PLEKHM3: variants seen among roughly 807,000 people sequenced by gnomAD.
PLEKHM3 encodes pleckstrin homology domain-containing family M member 3.
A neutral mutation model predicts 81.8 loss-of-function variants in PLEKHM3; 45 were observed. The ratio of observed to expected loss-of-function variants is 0.55; its 90% CI spans 0.43 to 0.71. PLEKHM3 has a LOEUF of 0.71. Ranked by LOEUF, PLEKHM3 falls within the 30% of genes least tolerant of loss-of-function variation. The pLI, the probability that PLEKHM3 is intolerant of heterozygous loss-of-function variation, is 0.00. For synonymous variants in PLEKHM3, 352 were observed against 356.4 expected, an observed-to-expected ratio of 0.99 and a Z score of 0.14; for missense variants, 788 against 924.3, an observed-to-expected ratio of 0.85 and a Z score of 1.91.
chr2:207,898,833 C>T (rs938006597), intron 6 of PLEKHM3, among the ~76,000 whole-genome samples: 3 of 152,104 alleles, frequency 2.0e-5, no homozygotes, highest in African/African-American at 4.8e-5. Context: ...GAGGTCAAAG[C>T]TGCAGCCAGC....
chr2:208,012,452 A>G (rs1045411000), intron 1 of PLEKHM3, among the ~76,000 whole-genome samples: 2 of 152,234 alleles, frequency 1.3e-5, no homozygotes, highest in African/African-American at 2.4e-5. Context: ...TCCTTGTCTA[A>G]TTACTGAGTA....
rs2092232692 is a variant in PLEKHM3 at position 207,823,676 on chromosome 2, T to C, written c.*4643A>G. On this transcript the variant is annotated 3_prime_UTR_variant, in exon 8 of 8. Transcript: ENST00000427836. Reference sequence around the variant, plus strand: ...CTGGTCTCAAACTCCTGACCTCAAGTGATCTGCCTGCCTTGGCCTCCCAAA... The same window carrying C: ...CTGGTCTCAAACTCCTGACCTCAAGCGATCTGCCTGCCTTGGCCTCCCAAA... 6.6e-6 allele frequency: 1 copy of C among 152,228 alleles called. No homozygotes were observed. 9.4% of individuals were successfully genotyped at this position (152,228 alleles called of 1,614,324 possible). A position where few individuals can be genotyped will look rare whatever the true frequency, so the allele number is the denominator to read the frequency against.
At chr2:207,988,708 C>A (rs778572738) in intron 2 of PLEKHM3, among the ~76,000 whole-genome samples, 19 of 152,200 alleles carry the variant, frequency 1.2e-4, no homozygotes, top group Non-Finnish European at 5.9e-5. Context: ...TGACCTACCC[C>A]CTTATGGCTG....
Position 207,884,097 on chromosome 2 carries a change from G to A in PLEKHM3, c.1951-22835C>T, listed in dbSNP as rs577552989. On this transcript the variant is annotated intron_variant, in intron 6 of 7. Coordinates refer to ENST00000427836, the MANE Select transcript of PLEKHM3 (RefSeq NM_001080475.3). ...GAGGACTGCTTGAGCTCAGGAGTTC[G>A]AGACCACTCTGGGCAACATAGCGAG... Among the ~76,000 whole-genome samples, 13 of 152,140 alleles carry A rather than the reference G, an allele frequency of 8.5e-5. No individual in the cohort carries two copies. In the South Asian group the frequency reaches 1.0e-3, roughly 12 times the overall value.
At chr2:207,882,493 T>G (rs1687727752) in intron 6 of PLEKHM3, among the ~76,000 whole-genome samples, 1 of 151,668 alleles carries the variant, frequency 6.6e-6, no homozygotes, top group Admixed American at 6.6e-5. Context: ...GTGCCTGTAA[T>G]CGCAGTTACC....
intron 7 of PLEKHM3, among the ~76,000 whole-genome samples, chr2:207,847,296 A>T (rs537102839): frequency 5.2e-5 from 8 of 152,382 alleles, no homozygotes; most frequent in African/African-American, 1.9e-4. Flanking sequence ...ACATTTTGAC[A>T]TGTGAATACA....
intron 1 of PLEKHM3, chr2:208,019,629 T>C (rs1693056001): frequency 6.6e-6 from 1 of 152,262 alleles, no homozygotes; most frequent in Non-Finnish European, 1.5e-5. Context: ...ACCATATACA[T>C]CTTAACATTA....
At chr2:207,859,330 G>T (rs1407310677) in intron 7 of PLEKHM3, among the ~76,000 whole-genome samples, 2 of 151,652 alleles carry the variant, frequency 1.3e-5, no homozygotes, top group African/African-American at 2.4e-5. Flanking sequence ...TAGAGACGGG[G>T]TTTCTCCATG....
rs143903695 is a variant in PLEKHM3, at chr2:207,940,932, T to C, written c.1692+5435A>G. ...AAAATAGGATAGGTACAAATATAGA[T>C]AGATTTGTAGATATTCATATTCATA... On this transcript the variant is annotated intron_variant, in intron 4 of 7. Coordinates refer to ENST00000427836, the MANE Select transcript of PLEKHM3 (RefSeq NM_001080475.3). 5.3e-5 allele frequency among the ~76,000 whole-genome samples: 8 copies of C among 152,302 alleles called. No individual in the cohort carries two copies. In the East Asian group the frequency reaches 1.5e-3, roughly 29 times the overall value.
At chr2:208,020,046 T>C (rs1407540273) in intron 1 of PLEKHM3, among the ~76,000 whole-genome samples, 1 of 152,264 alleles carries the variant, frequency 6.6e-6, no homozygotes, top group Non-Finnish European at 1.5e-5. Flanking sequence ...GTTTCTAACC[T>C]GCAACACATG....
At chr2:207,960,593 ACC>A (rs1690694355) in intron 3 of PLEKHM3, among the ~76,000 whole-genome samples, 1 of 152,230 alleles carries the variant, frequency 6.6e-6, no homozygotes, top group African/African-American at 2.4e-5. Flanking sequence ...TCATTTATTA[ACC>A]CTGTAAAACT....
Position 207,825,133 on chromosome 2 carries a change from C to T in PLEKHM3, c.*3186G>A, listed in dbSNP as rs2092241339. On this transcript the variant is annotated 3_prime_UTR_variant, in exon 8 of 8. Transcript: ENST00000427836. ...AAAGCGGGCCTGGAAAGAACACTAC[C>T]CCCATTCCAGTTGACGGCTTTTTAA... 6.6e-6 allele frequency: 1 copy of T among 152,096 alleles called. No individual in the cohort carries two copies. The highest frequency in any genetic ancestry group is 1.5e-5 in the Non-Finnish European group (1 of 68,028). The allele number at this position is 152,096 out of a possible 1,614,324, so 9.4% of individuals were successfully genotyped here.
chr2:207,934,406 A>C (rs750875754), intron 4 of PLEKHM3, among the ~76,000 whole-genome samples: 10 of 152,340 alleles, frequency 6.6e-5, no homozygotes, highest in Non-Finnish European at 1.5e-4. Context: ...CATTAGTATT[A>C]GTATTGACCT....
intron 7 of PLEKHM3, among the ~76,000 whole-genome samples, chr2:207,859,796 C>T (rs1042623005): frequency 6.6e-6 from 1 of 152,066 alleles, no homozygotes; most frequent in Non-Finnish European, 1.5e-5. Context: ...CGGGGTTTCA[C>T]CATGTTGGCC....
At chr2:207,833,111 CAA>C (rs71036960) in intron 7 of PLEKHM3, among the ~76,000 whole-genome samples, 844 of 76,814 alleles carry the variant, frequency 0.011, 6 homozygotes, top group African/African-American at 0.035. Flanking sequence ...GACACCATCT[CAA>C]AAAAAAAAAA....
intron 3 of PLEKHM3, among the ~76,000 whole-genome samples, chr2:207,970,805 A>G (rs147771897): frequency 2.6e-5 from 4 of 152,278 alleles, no homozygotes; most frequent in Non-Finnish European, 5.9e-5. Flanking sequence ...AAGAATTCAC[A>G]GCAAAACTTC....
At chr2:208,007,490 A>G (rs181503079) in intron 1 of PLEKHM3, among the ~76,000 whole-genome samples, 65 of 152,360 alleles carry the variant, frequency 4.3e-4, no homozygotes, top group Non-Finnish European at 7.3e-4. Flanking sequence ...GGCCTATCAG[A>G]TGAAACAGAC....
intron 3 of PLEKHM3, among the ~76,000 whole-genome samples, chr2:207,962,911 T>C (rs1352751282): frequency 7.4e-6 from 1 of 134,696 alleles, no homozygotes; most frequent in Admixed American, 8.0e-5. Context: ...TAAGAGGTCC[T>C]ATAGTCAAAA....
intron 4 of PLEKHM3, among the ~76,000 whole-genome samples, chr2:207,939,345 T>G (rs1247480924): frequency 6.6e-6 from 1 of 152,044 alleles, no homozygotes; most frequent in Non-Finnish European, 1.5e-5. Context: ...TAAGCTGAGT[T>G]TTAGGATTTG....
Sources: gnomAD v4.1 joint callset for allele counts (sites outside exome capture counted in the v4.1 genomes callset) on GRCh38, gnomAD v4.1.1 for gene constraint, MANE v1.5 for transcripts, NCBI Gene and HGNC (gene_info 2026-07-23, HGNC 2026-07-21) for gene names.